SPAG6: variants seen among roughly 807,000 people sequenced by gnomAD.
SPAG6 encodes the protein sperm associated antigen 6.
In SPAG6, 49 loss-of-function variants were observed where a neutral mutation model predicts 58.5. The observed-to-expected ratio is 0.84, with a 90% CI of 0.67 to 1.06. The LOEUF (loss-of-function observed/expected upper bound fraction) is 1.06, where lower values mean the gene tolerates loss of function less well. SPAG6 is among the 50% of genes least tolerant of loss of function. The probability of loss-of-function intolerance (pLI) is 0.00; values close to 1 mark genes in which losing one functional copy is unlikely to be tolerated. For missense variants in SPAG6, 560 were observed against 611.3 expected (o/e 0.92, Z 0.89); for synonymous variants, 233 against 225.6 (o/e 1.03, Z -0.29).
intron 4 of SPAG6, among the ~76,000 whole-genome samples, chr10:22,380,177 A>C (rs908367164): frequency 1.3e-5 from 2 of 152,260 alleles, no homozygotes; most frequent in Non-Finnish European, 2.9e-5. Flanking sequence ...TAATTGCAGC[A>C]ACATATTTGT....
At chr10:22,370,095 G>A (rs2132056679) in intron 4 of SPAG6, among the ~76,000 whole-genome samples, 1 of 152,142 alleles carries the variant, frequency 6.6e-6, no homozygotes, top group Middle Eastern at 3.4e-3. Context: ...ATGGTAACAT[G>A]GAAAAGTGAT....
At chr10:22,372,108 C>G (rs764629699) in intron 4 of SPAG6, among the ~76,000 whole-genome samples, 1 of 152,100 alleles carries the variant, frequency 6.6e-6, no homozygotes, top group Non-Finnish European at 1.5e-5. Flanking sequence ...CTTTTTGTAA[C>G]CCTTTCCCAC....
intron 4 of SPAG6, among the ~76,000 whole-genome samples, chr10:22,380,642 T>A (rs1016361158): frequency 6.6e-6 from 1 of 152,052 alleles, no homozygotes; most frequent in African/African-American, 2.4e-5. Flanking sequence ...CTGCTTTATT[T>A]CAAAAAGCTT....
At chr10:22,361,703 G>T (rs1837044184) in intron 2 of SPAG6, among the ~76,000 whole-genome samples, 1 of 152,088 alleles carries the variant, frequency 6.6e-6, no homozygotes, top group South Asian at 2.1e-4. Flanking sequence ...AGAAAAAAAA[G>T]TTCCCTTGGG....
At chr10:22,401,658 T>C (rs1834417331) in intron 9 of SPAG6, among the ~76,000 whole-genome samples, 1 of 152,214 alleles carries the variant, frequency 6.6e-6, no homozygotes, top group African/African-American at 2.4e-5. Context: ...CGAAATATCT[T>C]TCATGAAGTC....
At chr10:22,357,329 C>T (rs1379550052) in intron 2 of SPAG6, among the ~76,000 whole-genome samples, 2 of 151,526 alleles carry the variant, frequency 1.3e-5, no homozygotes, top group Admixed American at 6.6e-5. Flanking sequence ...TGTCACAACC[C>T]GTTTAGAAGT....
intron 4 of SPAG6, among the ~76,000 whole-genome samples, chr10:22,369,993 A>T (rs929136612): frequency 6.6e-6 from 1 of 152,146 alleles, no homozygotes; most frequent in Non-Finnish European, 1.5e-5. Context: ...TGATTTGTAA[A>T]CCCCTCAAAT....
chr10:22,389,992 G>A (rs377127756), intron 7 of SPAG6, among the ~76,000 whole-genome samples: 15 of 152,270 alleles, frequency 9.9e-5, no homozygotes, highest in African/African-American at 3.6e-4. Context: ...TGCTTACAGT[G>A]TGTGCGGTGA....
chr10:22,362,570 C>T (rs1837075505), intron 2 of SPAG6, among the ~76,000 whole-genome samples: 1 of 151,598 alleles, frequency 6.6e-6, no homozygotes, highest in African/African-American at 2.4e-5. Flanking sequence ...GTGAGACCCC[C>T]ATCTCTACAA....
chr10:22,393,151 A>C (rs1235293135), intron 8 of SPAG6, among the ~76,000 whole-genome samples: 1 of 152,176 alleles, frequency 6.6e-6, no homozygotes, highest in African/African-American at 2.4e-5. Context: ...GCTGATATAC[A>C]TGTATACGTG....
chr10:22,354,918 C>T (rs767089869), intron 2 of SPAG6, among the ~76,000 whole-genome samples: 25 of 151,146 alleles, frequency 1.7e-4, no homozygotes, highest in African/African-American at 5.6e-4. Context: ...CTGAGGCATC[C>T]GGGAAGCGGA....
Position 22,416,627 on chromosome 10 carries a change from C to T in SPAG6, c.1469C>T (p.Ser490Phe). 7 of 1,602,012 alleles carry T rather than the reference C, an allele frequency of 4.4e-6. No individual in the cohort carries two copies. The highest frequency in any genetic ancestry group is 1.1e-5 in the South Asian group (1 of 90,720). ...TGTATTTTCTTTTTCAGGTATTATT[C>T]CCCTGGATATTCAGATACACTTCTG... ...CYPEEIVRYY[S>F]PGYSDTLLQR... Residue 490 changes from serine to phenylalanine, a missense_variant, in exon 11 of 11, where the codon TCC becomes TTC. Coordinates refer to ENST00000376624, the MANE Select transcript of SPAG6 (RefSeq NM_012443.4).
chr10:22,389,328 G>A lies in SPAG6; in HGVS notation c.1005+16G>A, dbSNP rs532966424. 23 of 1,605,458 alleles carry A rather than the reference G, an allele frequency of 1.4e-5. No individual in the cohort carries two copies. The highest frequency in any genetic ancestry group is 8.8e-5 in the South Asian group (8 of 90,794). On this transcript the variant is annotated intron_variant, in intron 7 of 10. Coordinates refer to ENST00000376624, the MANE Select transcript of SPAG6 (RefSeq NM_012443.4). Reference sequence around the variant, plus strand: ...CATTTCTAAGGTTTGTTCTTGCTTCGTTTTCTTCCAGTTGCAGTAAGAAAT... The same window carrying A: ...CATTTCTAAGGTTTGTTCTTGCTTCATTTTCTTCCAGTTGCAGTAAGAAAT...
intron 9 of SPAG6, among the ~76,000 whole-genome samples, chr10:22,407,537 G>T (rs1588562521): frequency 6.6e-6 from 1 of 152,240 alleles, no homozygotes; most frequent in East Asian, 1.9e-4. Flanking sequence ...CCCTTTGTGG[G>T]TAACCTGACC....
Position 22,364,750 on chromosome 10 carries a change from TG to T in SPAG6, c.122-102del. On this transcript the variant is annotated intron_variant, in intron 2 of 10. Coordinates refer to ENST00000376624, the MANE Select transcript of SPAG6 (RefSeq NM_012443.4). The stretch of plus-strand genomic sequence containing the variant: ...TTATGGTGAATAGTTTTATTTTTAC[TG>T]ATTTTTTCCCTTTAATTTTACTGTC... The T allele has an allele frequency of 3.9e-6, 3 of 772,854 alleles. No individual in the cohort carries two copies. In the South Asian group the frequency reaches 6.6e-5, roughly 17 times the overall value. The allele number at this position is 772,854 out of a possible 1,614,324, so 47.9% of individuals were successfully genotyped here.
At chr10:22,346,350 A>G (rs1836527718) in intron 2 of SPAG6, among the ~76,000 whole-genome samples, 1 of 151,760 alleles carries the variant, frequency 6.6e-6, no homozygotes, top group South Asian at 2.1e-4. Flanking sequence ...GGACTCTTGC[A>G]GATGTGAGAG....
chr10:22,364,750 T>C (rs1019527835), intron 2 of SPAG6, 103 bp from the exon 3 acceptor site: 75 of 772,736 alleles, frequency 9.7e-5, no homozygotes, highest in Non-Finnish European at 2.0e-5. Flanking sequence ...TTATTTTTAC[T>C]GATTTTTTCC....
intron 2 of SPAG6, among the ~76,000 whole-genome samples, chr10:22,355,101 A>C (rs1194133038): frequency 6.6e-6 from 1 of 152,224 alleles, no homozygotes; most frequent in African/African-American, 2.4e-5. Flanking sequence ...TGGTAGAAAT[A>C]ATGTGAATTC....
In SPAG6 at chr10:22,389,147, T is replaced by G; in HGVS notation, c.853-13T>G. The stretch of plus-strand genomic sequence containing the variant: ...AGGGTCCTGGTGATCTAACTCTTGT[T>G]CCCATCGCTTAGCTTTCACAGCTGG... On this transcript the variant is annotated splice_polypyrimidine_tract_variant and intron_variant, in intron 6 of 10. Coordinates refer to ENST00000376624, the MANE Select transcript of SPAG6 (RefSeq NM_012443.4). 2.5e-6 allele frequency: 4 copies of G among 1,612,422 alleles called. No homozygotes were observed. The South Asian group carries it at 3.3e-5, about 13-fold the overall frequency.
Sources: allele counts gnomAD v4.1 joint callset (sites outside exome capture counted in the v4.1 genomes callset), GRCh38; gene constraint gnomAD v4.1.1; transcripts MANE v1.5; gene names NCBI Gene and HGNC (gene_info 2026-07-23, HGNC 2026-07-21).